TSHZ2: variants seen among roughly 807,000 people sequenced by gnomAD.
The protein encoded by TSHZ2 is teashirt homolog 2.
A neutral mutation model predicts 74.4 loss-of-function variants in TSHZ2; 21 were observed. That is an observed-to-expected ratio of 0.28 (90% CI 0.20 to 0.41). The LOEUF is 0.41. Ranked by LOEUF, TSHZ2 falls within the 10% of genes least tolerant of loss-of-function variation. The pLI is 1.00. For missense variants in TSHZ2, 1,244 were observed against 1,293.5 expected, an observed-to-expected ratio of 0.96 and a Z score of 0.59; for synonymous variants, 540 against 515.3, an observed-to-expected ratio of 1.05 and a Z score of -0.65.
intron 1 of TSHZ2, among the ~76,000 whole-genome samples, chr20:53,007,857 A>G (rs926094237): frequency 6.6e-6 from 1 of 152,106 alleles, no homozygotes; most frequent in Non-Finnish European, 1.5e-5. Flanking sequence ...TTCATCAGGA[A>G]AATTAAAATA....
chr20:53,403,212 G>C (rs951287813), intron 2 of TSHZ2, among the ~76,000 whole-genome samples: 8 of 152,148 alleles, frequency 5.3e-5, no homozygotes, highest in African/African-American at 1.9e-4. Context: ...TTCCATCCAT[G>C]TTGCTGCAAT....
At chr20:53,021,770 T>G (rs1983256197) in intron 1 of TSHZ2, among the ~76,000 whole-genome samples, 1 of 152,190 alleles carries the variant, frequency 6.6e-6, no homozygotes, top group Admixed American at 6.6e-5. Flanking sequence ...CCAAGCCATG[T>G]GCTAGATGGC....
At chr20:53,373,455 G>T (rs1981550202) in intron 2 of TSHZ2, among the ~76,000 whole-genome samples, 2 of 152,060 alleles carry the variant, frequency 1.3e-5, no homozygotes, top group South Asian at 4.1e-4. Flanking sequence ...CTTTCTTCTT[G>T]CTCCTTAATG....
In TSHZ2 at chr20:52,973,029, T is replaced by C. The variant is rs560090858; in HGVS notation, c.-265T>C. The C allele has an allele frequency of 2.3e-4, 86 of 380,772 alleles. 1 individual carries two copies. The South Asian group carries it at 6.0e-3, about 27-fold the overall frequency. The allele number at this position is 380,772 out of a possible 1,614,324, so 23.6% of individuals were successfully genotyped here. A position where few individuals can be genotyped will look rare whatever the true frequency, so the allele number is the denominator to read the frequency against. Reference sequence around the variant, plus strand: ...AAGAGAGAGGAAAAAAAATTCAAAATAAACAAACAAACAAACAAGGCAGAA... The same window carrying C: ...AAGAGAGAGGAAAAAAAATTCAAAACAAACAAACAAACAAACAAGGCAGAA... On this transcript the variant is annotated 5_prime_UTR_variant, in exon 1 of 3. Coordinates refer to ENST00000371497, the MANE Select transcript of TSHZ2 (RefSeq NM_173485.6).
chr20:53,257,537 A>T (rs933116035), intron 2 of TSHZ2, among the ~76,000 whole-genome samples: 1 of 152,230 alleles, frequency 6.6e-6, no homozygotes, highest in Non-Finnish European at 1.5e-5. Flanking sequence ...TTGGCAGATT[A>T]GTTTCACCAG....
At chr20:53,177,002 A>G (rs1988358744) in intron 1 of TSHZ2, among the ~76,000 whole-genome samples, 1 of 152,002 alleles carries the variant, frequency 6.6e-6, no homozygotes, top group African/African-American at 2.4e-5. Context: ...GTATTTCTTT[A>G]TGTATTTATT....
intron 1 of TSHZ2, among the ~76,000 whole-genome samples, chr20:53,251,302 C>A (rs1239962371): frequency 6.6e-6 from 1 of 152,176 alleles, no homozygotes; most frequent in African/African-American, 2.4e-5. Flanking sequence ...TTGTCTGATT[C>A]TCTGATGTAT....
At chr20:53,025,952 G>C (rs574381977) in intron 1 of TSHZ2, among the ~76,000 whole-genome samples, 1 of 152,152 alleles carries the variant, frequency 6.6e-6, no homozygotes, top group African/African-American at 2.4e-5. Context: ...TGAGAAAAGC[G>C]ACAGAAGTAG....
chr20:53,000,005 C>T (rs1982352740), intron 1 of TSHZ2, among the ~76,000 whole-genome samples: 1 of 152,146 alleles, frequency 6.6e-6, no homozygotes, highest in Admixed American at 6.5e-5. Context: ...TTGTTTGTGC[C>T]TGGTGTTATG....
Position 53,253,732 on chromosome 20 carries a change from G to T in TSHZ2, c.274G>T (p.Val92Leu). ...TCTGCTGAGTGACGCCAGTGATCAG[G>T]TGTCGGACATCAAGAGTGTCTGCGG... ...ESLLSDASDQVSDIKSVCGRD... is the reference protein window; with the variant it reads ...ESLLSDASDQLSDIKSVCGRD... The change falls in exon 2 of 3, where the codon GTG becomes TTG. Residue 92 changes from valine to leucine, a missense_variant. Physicochemically the swap from Val to Leu is conservative, Grantham distance 32. Around this residue, in one of 6 missense-constraint regions of TSHZ2, gnomAD observed 470 missense variants for 456.5 expected, o/e 1.03. Coordinates refer to ENST00000371497, the MANE Select transcript of TSHZ2 (RefSeq NM_173485.6). 1 of 1,614,188 alleles carries T rather than the reference G, an allele frequency of 6.2e-7. No homozygotes were observed.
intron 1 of TSHZ2, among the ~76,000 whole-genome samples, chr20:53,205,107 C>T (rs1007502712): frequency 6.7e-6 from 1 of 148,324 alleles, no homozygotes; most frequent in African/African-American, 2.5e-5. Context: ...AAAAAAAAAA[C>T]CTAAGAAACT....
chr20:53,384,385 G>A (rs913353761), intron 2 of TSHZ2, among the ~76,000 whole-genome samples: 10 of 152,156 alleles, frequency 6.6e-5, no homozygotes, highest in African/African-American at 4.8e-5. Flanking sequence ...ACGCAGACCC[G>A]TTTATTTAGA....
rs762399889 is a variant in TSHZ2 at position 53,253,818 on chromosome 20, T to C, written c.360T>C (p.Asn120=). Residue 120 remains asparagine, a synonymous_variant, in exon 2 of 3, where the codon AAT becomes AAC. Coordinates refer to ENST00000371497, the MANE Select transcript of TSHZ2 (RefSeq NM_173485.6). ...THVRLPNEAH[N]CMDKMTAVYA... is the part of the protein sequence containing the mutation. ...TCAGGCTTCCAAACGAAGCACACAA[T>C]TGCATGGATAAAATGACCGCTGTCT... 1.2e-6 allele frequency: 2 copies of C among 1,614,046 alleles called. No individual in the cohort carries two copies. The highest frequency in any genetic ancestry group is 1.1e-5 in the South Asian group (1 of 91,068).
chr20:53,416,838 TC>T (rs1568908177), intron 2 of TSHZ2, among the ~76,000 whole-genome samples: 1 of 152,226 alleles, frequency 6.6e-6, no homozygotes, highest in Admixed American at 6.5e-5. Flanking sequence ...TTGGATTGCA[TC>T]CCCAAATGTG....
chr20:53,213,282 C>T (rs1989355108), intron 1 of TSHZ2, among the ~76,000 whole-genome samples: 3 of 152,140 alleles, frequency 2.0e-5, no homozygotes, highest in Admixed American at 6.5e-5. Flanking sequence ...TTGAAAATTT[C>T]ATGCAAAATT....
In TSHZ2 at chr20:53,235,401, C is replaced by T. The variant is rs1989920518; in HGVS notation, c.41-18098C>T. Among the ~76,000 whole-genome samples, 4 of 151,818 alleles carry T rather than the reference C, an allele frequency of 2.6e-5. No individual in the cohort carries two copies. In the South Asian group the frequency reaches 8.4e-4, roughly 32 times the overall value. On this transcript the variant is annotated intron_variant, in intron 1 of 2. Coordinates refer to ENST00000371497, the MANE Select transcript of TSHZ2 (RefSeq NM_173485.6). ...GCCATGCTGGTCTCAAACTCCTGACCTCATGTGATCCACCCACCTCAGCCT... is the reference window on the plus strand; with the variant it reads ...GCCATGCTGGTCTCAAACTCCTGACTTCATGTGATCCACCCACCTCAGCCT...
At chr20:53,241,229 G>A (rs1181499358) in intron 1 of TSHZ2, among the ~76,000 whole-genome samples, 5 of 152,102 alleles carry the variant, frequency 3.3e-5, no homozygotes, top group African/African-American at 1.2e-4. Context: ...AAATATCGAA[G>A]ACCTATATAT....
chr20:53,290,705 T>A (rs922154294), intron 2 of TSHZ2, among the ~76,000 whole-genome samples: 1 of 152,160 alleles, frequency 6.6e-6, no homozygotes, highest in Non-Finnish European at 1.5e-5. Context: ...TATAGAGAGG[T>A]AAATGTATTT....
intron 2 of TSHZ2, among the ~76,000 whole-genome samples, chr20:53,323,410 G>GATGAATGAATGA (rs56672853): frequency 0.39 from 59,101 of 150,532 alleles, 11,813 homozygotes; most frequent in Non-Finnish European, 0.43. Flanking sequence ...ATACTTGTTT[G>GATGAATGAATGA]ATGAATGAAT....
Sources: gnomAD v4.1 joint callset for allele counts (sites outside exome capture counted in the v4.1 genomes callset) on GRCh38, gnomAD v4.1.1 for gene constraint, gnomAD v4.1.1 regional missense constraint, MANE v1.5 for transcripts, NCBI Gene and HGNC (gene_info 2026-07-23, HGNC 2026-07-21) for gene names.